NRXN1: variants seen among roughly 807,000 people sequenced by gnomAD.
NRXN1 encodes the protein neurexin 1, also known as neurexin-1.
A neutral mutation model predicts 150.9 loss-of-function variants in NRXN1; 39 were observed. The observed-to-expected ratio is 0.26, with a 90% CI of 0.20 to 0.34. The LOEUF (loss-of-function observed/expected upper bound fraction) is 0.34, where lower values mean the gene tolerates loss of function less well. NRXN1 is among the 10% of genes least tolerant of loss of function. NRXN1 has a pLI of 1.00. For missense variants in NRXN1, 1,815 were observed against 1,949.9 expected, an observed-to-expected ratio of 0.93 and a Z score of 1.30; for synonymous variants, 924 against 757.0, an observed-to-expected ratio of 1.22 and a Z score of -3.62.
chr2:50,945,346 C>T (rs1690175322), intron 2 of NRXN1, among the ~76,000 whole-genome samples: 2 of 152,030 alleles, frequency 1.3e-5, no homozygotes, highest in Admixed American at 1.3e-4. Flanking sequence ...CATCTTTGAT[C>T]TCAGCTACTG....
At chr2:49,941,794 C>G (rs1459773928) in intron 22 of NRXN1, among the ~76,000 whole-genome samples, 1 of 152,006 alleles carries the variant, frequency 6.6e-6, no homozygotes, top group Non-Finnish European at 1.5e-5. Flanking sequence ...ATACAAAGAC[C>G]AGACTTTGTT....
rs749865932 is a variant in NRXN1 at position 50,765,464 on chromosome 2, C to G, written c.833-141849G>C. Among the ~76,000 whole-genome samples the G allele has an allele frequency of 1.3e-5, 2 of 152,030 alleles. 1 individual carries two copies. The highest frequency in any genetic ancestry group is 2.9e-5 in the Non-Finnish European group (2 of 67,980). On this transcript the variant is annotated intron_variant, in intron 5 of 22. Transcript: ENST00000401669. Reference sequence around the variant, plus strand: ...TCACTTTTCTCTGTTTCCTTGTCATCCCTCTTTCTGCCCAGGTAAAGTGGT... The same window carrying G: ...TCACTTTTCTCTGTTTCCTTGTCATGCCTCTTTCTGCCCAGGTAAAGTGGT...
intron 17 of NRXN1, among the ~76,000 whole-genome samples, chr2:50,284,649 C>G (rs1226941048): frequency 6.6e-6 from 1 of 152,174 alleles, no homozygotes; most frequent in African/African-American, 2.4e-5. Context: ...CAAACCAATT[C>G]TAGCCTCCTC....
At chr2:50,422,775 A>G (rs1340232840) in intron 17 of NRXN1, among the ~76,000 whole-genome samples, 1 of 152,222 alleles carries the variant, frequency 6.6e-6, no homozygotes, top group African/African-American at 2.4e-5. Context: ...CTGGTAACAC[A>G]ACAAAAATTG....
intron 18 of NRXN1, among the ~76,000 whole-genome samples, chr2:50,234,382 T>G (rs1453446162): frequency 1.3e-5 from 2 of 151,842 alleles, no homozygotes; most frequent in African/African-American, 4.8e-5. Flanking sequence ...TAATCCTAGA[T>G]ATTTGGGAGG....
chr2:50,620,893 T>C (rs1356174936), intron 7 of NRXN1: 1 of 275,836 alleles, frequency 3.6e-6, no homozygotes, highest in Admixed American at 5.9e-5. Flanking sequence ...ATGCCATGCA[T>C]CATGAATGGT....
chr2:50,816,419 G>A (rs1050053524), intron 5 of NRXN1, among the ~76,000 whole-genome samples: 1 of 151,978 alleles, frequency 6.6e-6, no homozygotes. Flanking sequence ...AAGAAAAAAA[G>A]CACCCAGAAA....
intron 16 of NRXN1, among the ~76,000 whole-genome samples, chr2:50,469,170 C>T (rs184837181): frequency 1.3e-5 from 2 of 151,424 alleles, no homozygotes; most frequent in African/African-American, 4.8e-5. Context: ...AATTAGAAAC[C>T]CTGGGGGTTG....
At chr2:50,687,358 T>C (rs1358258980) in intron 5 of NRXN1, among the ~76,000 whole-genome samples, 1 of 152,188 alleles carries the variant, frequency 6.6e-6, no homozygotes, top group East Asian at 1.9e-4. Flanking sequence ...CTTCTAAACA[T>C]AATACTATCT....
intron 19 of NRXN1, among the ~76,000 whole-genome samples, chr2:50,089,707 G>C (rs1338967320): frequency 6.6e-6 from 1 of 151,598 alleles, no homozygotes; most frequent in African/African-American, 2.4e-5. Context: ...GGAGGATCCT[G>C]TGAGCCCAGG....
intron 5 of NRXN1, among the ~76,000 whole-genome samples, chr2:50,762,168 C>A (rs1288092683): frequency 6.7e-6 from 1 of 150,178 alleles, no homozygotes; most frequent in Non-Finnish European, 1.5e-5. Context: ...TCCTATTAGT[C>A]CTGTCCATTT....
At chr2:50,428,154 C>T (rs2084654486) in intron 17 of NRXN1, among the ~76,000 whole-genome samples, 1 of 152,166 alleles carries the variant, frequency 6.6e-6, no homozygotes. Context: ...TGGCTCACAT[C>T]TGTAATCCCA....
chr2:50,404,218 C>T (rs2082595590), intron 17 of NRXN1, among the ~76,000 whole-genome samples: 1 of 151,736 alleles, frequency 6.6e-6, no homozygotes, highest in African/African-American at 2.4e-5. Flanking sequence ...CATAGCTATG[C>T]TCTATTTAAT....
chr2:50,863,244 T>A (rs1041226902), intron 5 of NRXN1, among the ~76,000 whole-genome samples: 12 of 152,192 alleles, frequency 7.9e-5, no homozygotes, highest in Middle Eastern at 3.4e-3. Context: ...AACTGGCTTT[T>A]CAGATGAACT....
At chr2:50,994,123 T>C (rs1239878412) in intron 2 of NRXN1, among the ~76,000 whole-genome samples, 1 of 151,980 alleles carries the variant, frequency 6.6e-6, no homozygotes, top group Non-Finnish European at 1.5e-5. Context: ...ATTGTCTCTA[T>C]TCACAGATGA....
intron 17 of NRXN1, among the ~76,000 whole-genome samples, chr2:50,319,402 C>T (rs555823423): frequency 6.6e-6 from 1 of 152,196 alleles, no homozygotes; most frequent in South Asian, 2.1e-4. Context: ...TGATCACAAG[C>T]TCCTTTATCT....
At chr2:50,535,874 T>G (rs1271984669) in intron 10 of NRXN1, among the ~76,000 whole-genome samples, 2 of 152,206 alleles carry the variant, frequency 1.3e-5, no homozygotes, top group Non-Finnish European at 2.9e-5. Flanking sequence ...GTTTTTTAAT[T>G]ACTTTGAATA....
chr2:49,986,141 C>G (rs1680865248), intron 21 of NRXN1, among the ~76,000 whole-genome samples: 1 of 152,164 alleles, frequency 6.6e-6, no homozygotes, highest in Admixed American at 6.5e-5. Context: ...GCCAGAAACT[C>G]AGATGCCACA....
At chr2:50,945,935 AAGT>A (rs1690302253) in intron 2 of NRXN1, among the ~76,000 whole-genome samples, 1 of 146,064 alleles carries the variant, frequency 6.8e-6, no homozygotes, top group African/African-American at 2.5e-5. Context: ...TTTACTTGTA[AAGT>A]ATTATTATTA....
Sources: allele counts gnomAD v4.1 joint callset (sites outside exome capture counted in the v4.1 genomes callset), GRCh38; gene constraint gnomAD v4.1.1; transcripts MANE v1.5; gene names NCBI Gene and HGNC (gene_info 2026-07-23, HGNC 2026-07-21).